DLGAP2: variants seen among roughly 807,000 people sequenced by gnomAD.
DLGAP2 encodes DLG associated protein 2.
DLGAP2 carries 26 observed loss-of-function variants against 100.3 expected under a neutral mutation model. That is an observed-to-expected ratio of 0.26 (90% confidence interval 0.19 to 0.36). The LOEUF (loss-of-function observed/expected upper bound fraction) is 0.36. DLGAP2 is among the 10% of genes least tolerant of loss of function. The pLI is 1.00. For synonymous variants in DLGAP2, 886 were observed against 630.1 expected (o/e 1.41, Z -6.08); for missense variants, 1,858 against 1,453.2 (o/e 1.28, Z -4.53).
At chr8:1,447,502 G>C (rs529692835) in intron 3 of DLGAP2, among the ~76,000 whole-genome samples, 1 of 152,270 alleles carries the variant, frequency 6.6e-6, no homozygotes, top group South Asian at 2.1e-4. Context: ...ATTTTATTGA[G>C]GATTTTTGCA....
chr8:1,555,979 C>G (rs1801950472), intron 5 of DLGAP2, among the ~76,000 whole-genome samples: 1 of 152,190 alleles, frequency 6.6e-6, no homozygotes, highest in South Asian at 2.1e-4. Context: ...ACATGGAACA[C>G]TGGGTGGGTG....
intron 4 of DLGAP2, among the ~76,000 whole-genome samples, chr8:1,507,754 G>A (rs1315082449): frequency 7.2e-6 from 1 of 138,844 alleles, no homozygotes; most frequent in Non-Finnish European, 1.5e-5. Flanking sequence ...CAGGTCCTCA[G>A]CCACCGAGTC....
chr8:1,697,078 G>T, intron 13 of DLGAP2, 69 bp from the exon 14 acceptor site: 1 of 1,410,732 alleles, frequency 7.1e-7, no homozygotes. Context: ...GCGTGGGGAG[G>T]AGTGGCCTCC....
intron 1 of DLGAP2, among the ~76,000 whole-genome samples, chr8:782,283 C>T (rs1821713198): frequency 6.6e-6 from 1 of 151,090 alleles, no homozygotes; most frequent in African/African-American, 2.4e-5. Context: ...ATTAGAATTC[C>T]ATAGATAACC....
intron 3 of DLGAP2, among the ~76,000 whole-genome samples, chr8:1,387,631 G>A (rs1258103513): frequency 2.6e-5 from 4 of 152,220 alleles, no homozygotes; most frequent in Non-Finnish European, 4.4e-5. Flanking sequence ...AAAAGATCAG[G>A]TGCCTGTTTG....
intron 1 of DLGAP2, among the ~76,000 whole-genome samples, chr8:889,435 G>A (rs1277215231): frequency 2.0e-5 from 3 of 152,170 alleles, no homozygotes; most frequent in Non-Finnish European, 4.4e-5. Flanking sequence ...TGGCCACCCT[G>A]CAGCTAGGGG....
At chr8:1,320,449 G>A (rs946044559) in intron 3 of DLGAP2, among the ~76,000 whole-genome samples, 1 of 152,056 alleles carries the variant, frequency 6.6e-6, no homozygotes, top group East Asian at 1.9e-4. Context: ...TGGAGCCCAG[G>A]GTGTCTGTCT....
chr8:1,096,220 T>A (rs1262115799), intron 2 of DLGAP2, among the ~76,000 whole-genome samples: 1 of 152,344 alleles, frequency 6.6e-6, no homozygotes, highest in South Asian at 2.1e-4. Context: ...GACTGTTGAT[T>A]ATTTCCCAAG....
At chr8:818,467 G>A (rs999846400) in intron 1 of DLGAP2, among the ~76,000 whole-genome samples, 1 of 152,196 alleles carries the variant, frequency 6.6e-6, no homozygotes, top group Admixed American at 6.5e-5. Context: ...ACAGACTCAC[G>A]GTTTTTCTGC....
chr8:1,669,508 C>T (rs1798634506), intron 9 of DLGAP2, among the ~76,000 whole-genome samples: 3 of 152,204 alleles, frequency 2.0e-5, no homozygotes, highest in African/African-American at 7.2e-5. Flanking sequence ...CCAACACGGC[C>T]CACCTCCTGC....
Position 966,224 on chromosome 8 carries a change from C to G in DLGAP2, c.73+58258C>G, listed in dbSNP as rs139115873. 1.1e-3 allele frequency among the ~76,000 whole-genome samples: 171 copies of G among 152,282 alleles called. 1 individual carries two copies. The highest frequency in any genetic ancestry group is 2.1e-3 in the Non-Finnish European group (146 of 68,030). ...AGGAATTTGAGTTTCAGCGATTGTTCCAGGCAGCGTTTTCCCAGGAAGTGT... is the reference window on the plus strand; with the variant it reads ...AGGAATTTGAGTTTCAGCGATTGTTGCAGGCAGCGTTTTCCCAGGAAGTGT... On this transcript the variant is annotated intron_variant, in intron 2 of 14. Coordinates refer to ENST00000637795, the MANE Select transcript of DLGAP2 (RefSeq NM_001346810.2).
At chr8:997,253 A>G (rs1489791288) in intron 2 of DLGAP2, among the ~76,000 whole-genome samples, 4 of 152,252 alleles carry the variant, frequency 2.6e-5, no homozygotes, top group Non-Finnish European at 5.9e-5. Context: ...ACTGATTTAC[A>G]TGGGAAATGA....
At chr8:1,229,183 T>G (rs1463754041) in intron 2 of DLGAP2, among the ~76,000 whole-genome samples, 3 of 151,638 alleles carry the variant, frequency 2.0e-5, no homozygotes, top group Non-Finnish European at 4.4e-5. Context: ...CTGAAAACTA[T>G]AAAATATTGA....
intron 3 of DLGAP2, among the ~76,000 whole-genome samples, chr8:1,485,926 C>G (rs956397096): frequency 1.3e-5 from 2 of 152,190 alleles, no homozygotes; most frequent in African/African-American, 2.4e-5. Flanking sequence ...CAGGAGGAGG[C>G]TGAGGCAGGA....
intron 6 of DLGAP2, chr8:1,621,624 A>G (rs1406714188): frequency 6.6e-6 from 1 of 152,152 alleles, no homozygotes. Context: ...GCCACTGAGC[A>G]GGTGCTCCAT....
intron 3 of DLGAP2, among the ~76,000 whole-genome samples, chr8:1,331,147 G>C (rs933258824): frequency 6.6e-6 from 1 of 152,230 alleles, no homozygotes; most frequent in Non-Finnish European, 1.5e-5. Context: ...ATAATCAAAT[G>C]GCCGTCACAG....
At chr8:1,005,147 T>C (rs6983944) in intron 2 of DLGAP2, among the ~76,000 whole-genome samples, 57,060 of 152,046 alleles carry the variant, frequency 0.38, 10,859 homozygotes, top group African/African-American at 0.41. Context: ...TGCATCTATG[T>C]GGAGTTCCTG....
rs539516569 is a variant in DLGAP2, at chr8:962,955, G to A, written c.73+54989G>A. Among the ~76,000 whole-genome samples, 46 of 152,346 alleles carry A rather than the reference G, an allele frequency of 3.0e-4. 1 individual carries two copies. The highest frequency in any genetic ancestry group is 1.1e-3 in the African/African-American group (45 of 41,588). On this transcript the variant is annotated intron_variant, in intron 2 of 14. Coordinates refer to ENST00000637795, the MANE Select transcript of DLGAP2 (RefSeq NM_001346810.2). ...CAGCAGCCCATTCCCATGGTCAGGA[G>A]GCAGGTCTTAGGTTCGGGGTCCTCT...
intron 3 of DLGAP2, among the ~76,000 whole-genome samples, chr8:1,444,768 A>ATT (rs1797935240): frequency 1.6e-5 from 2 of 123,534 alleles, no homozygotes; most frequent in African/African-American, 6.7e-5. Context: ...GAGCCAGGTC[A>ATT]TTCTTTTTTT....
Sources: gnomAD v4.1 joint callset for allele counts (sites outside exome capture counted in the v4.1 genomes callset) on GRCh38, gnomAD v4.1.1 for gene constraint, MANE v1.5 for transcripts, NCBI Gene and HGNC (gene_info 2026-07-23, HGNC 2026-07-21) for gene names.